Variants in OSBPL3 observed in about 807,000 individuals in gnomAD.
OSBPL3 encodes the protein oxysterol-binding protein-related protein 3.
Under a neutral mutation model 120.1 loss-of-function variants are expected in OSBPL3, and 65 were observed. The observed-to-expected ratio is 0.54, with a 90% confidence interval of 0.44 to 0.67. The LOEUF (loss-of-function observed/expected upper bound fraction) is 0.67. Ranked by LOEUF, OSBPL3 falls within the 30% of genes least tolerant of loss-of-function variation. The pLI is 0.00. For synonymous variants in OSBPL3, 416 were observed against 402.6 expected (o/e 1.03, Z -0.40); for missense variants, 1,004 against 1,082.1 (o/e 0.93, Z 1.01).
intron 1 of OSBPL3, among the ~76,000 whole-genome samples, chr7:24,915,380 A>G (rs1809396181): frequency 6.6e-6 from 1 of 152,220 alleles, no homozygotes; most frequent in Non-Finnish European, 1.5e-5. Flanking sequence ...GGGCATTTTC[A>G]TAAATTGCTA....
In OSBPL3 at chr7:24,804,188, C is replaced by A. The variant is rs774108640; in HGVS notation, c.2567+127G>T. 4 of 1,110,430 alleles carry A rather than the reference C, an allele frequency of 3.6e-6. No individual in the cohort carries two copies. The highest frequency in any genetic ancestry group is 1.6e-5 in the African/African-American group (1 of 64,486). The allele number at this position is 1,110,430 out of a possible 1,614,324, so 68.8% of individuals were successfully genotyped here. On this transcript the variant is annotated intron_variant, in intron 22 of 22. Transcript: ENST00000313367. The surrounding 1 kb of genome is among the most constrained non-coding windows in gnomAD (Gnocchi z 5.4). ...CTGGCACAGAGGAGCAGTACCCCCA[C>A]GTGGAAGCAGGAAAAGCCTGGAGAA...
At chr7:24,909,635 C>A (rs1441665853) in intron 1 of OSBPL3, among the ~76,000 whole-genome samples, 1 of 152,096 alleles carries the variant, frequency 6.6e-6, no homozygotes, top group Admixed American at 6.5e-5. Context: ...AAATTAGGAA[C>A]CTTAGGTCAC....
At position 24,818,181 on chromosome 7, in the gene OSBPL3, T is replaced by C. The variant is rs1435224041; in HGVS notation, c.1949-1493A>G. Among the ~76,000 whole-genome samples the C allele has an allele frequency of 1.3e-5, 2 of 152,212 alleles. No individual in the cohort carries two copies. The highest frequency in any genetic ancestry group is 1.5e-5 in the Non-Finnish European group (1 of 68,042). ...GGCAGAGGGGGTGGATAATATTTGC[T>C]AAAGAGGATTCTTTTTGGAGTGATG... is the stretch of plus-strand genomic sequence containing the variant. On this transcript the variant is annotated intron_variant, in intron 17 of 22. Transcript: ENST00000313367. This position sits in a 1 kb window ranked among gnomAD's most constrained non-coding sequence, Gnocchi z 4.0.
chr7:24,930,487 A>G lies in OSBPL3; in HGVS notation c.-149-37866T>C, dbSNP rs1202194093. Among the ~76,000 whole-genome samples, 1 of 152,236 alleles carries G rather than the reference A, an allele frequency of 6.6e-6. No homozygotes were observed. The highest frequency in any genetic ancestry group is 1.9e-4 in the East Asian group (1 of 5,204). On this transcript the variant is annotated intron_variant, in intron 1 of 22. Coordinates refer to ENST00000313367, the MANE Select transcript of OSBPL3 (RefSeq NM_015550.4). The surrounding 1 kb of genome is among the most constrained non-coding windows in gnomAD (Gnocchi z 4.4). ...CTTTTTATTGCTGACAGCAAAAAAG[A>G]CACAGGTTTCAGTGGGAGGTCTATT...
At chr7:24,911,015 T>C (rs1168679425) in intron 1 of OSBPL3, among the ~76,000 whole-genome samples, 1 of 152,206 alleles carries the variant, frequency 6.6e-6, no homozygotes, top group Non-Finnish European at 1.5e-5. Context: ...CCCAGGTGAT[T>C]TGGATACACA....
At chr7:24,861,575 T>C in intron 10 of OSBPL3, 38 bp downstream of exon 10, 1 of 1,445,068 alleles carries the variant, frequency 6.9e-7, no homozygotes, top group South Asian at 1.3e-5. Context: ...ACTTAACATT[T>C]TCATCAAACA....
chr7:24,921,633 G>C (rs1345058235), intron 1 of OSBPL3, among the ~76,000 whole-genome samples: 2 of 152,102 alleles, frequency 1.3e-5, no homozygotes, highest in African/African-American at 2.4e-5. Flanking sequence ...GTACCTCTCA[G>C]TTACCCTAAA....
rs1416274883 is a variant in OSBPL3 at position 24,863,908 on chromosome 7, AAG to A, written c.674-311_674-310del. Among the ~76,000 whole-genome samples the A allele has an allele frequency of 6.6e-6, 1 of 152,190 alleles. No homozygotes were observed. Among genetic ancestry groups the A allele is most frequent in the Non-Finnish European group, 1.5e-5 (1 of 68,026 alleles). ...TGGGGATAATTATACATCACATGAC[AAG>A]AGAGTTGTGAGAATTAAATGAGTTG... On this transcript the variant is annotated intron_variant, in intron 7 of 22. Transcript: ENST00000313367. This position sits in a 1 kb window ranked among gnomAD's most constrained non-coding sequence, Gnocchi z 5.8.
chr7:24,800,100 T>C lies in OSBPL3; in HGVS notation c.*83A>G. ...CAAGTGATCATCCTAGAGTATCTTT[T>C]AAATATATAAACACAGGTTTGTGCC... On this transcript the variant is annotated 3_prime_UTR_variant, in exon 23 of 23. Coordinates refer to ENST00000313367, the MANE Select transcript of OSBPL3 (RefSeq NM_015550.4). 1 of 743,604 alleles carries C rather than the reference T, an allele frequency of 1.3e-6. No homozygotes were observed. Among genetic ancestry groups the C allele is most frequent in the South Asian group, 1.5e-5 (1 of 65,038 alleles). The allele number at this position is 743,604 out of a possible 1,614,324, so 46.1% of individuals were successfully genotyped here. A position where few individuals can be genotyped will look rare whatever the true frequency, so the allele number is the denominator to read the frequency against.
In OSBPL3 at chr7:24,830,382, T is replaced by C. The variant is rs910054891; in HGVS notation, c.1884+386A>G. ...CAAAATTGAGAATAACGCATTTATC[T>C]GGCGCTACCCACTCTGCTGGGGGCA... On this transcript the variant is annotated intron_variant, in intron 16 of 22. Transcript: ENST00000313367. This position sits in a 1 kb window ranked among gnomAD's most constrained non-coding sequence, Gnocchi z 4.4. 8.5e-5 allele frequency among the ~76,000 whole-genome samples: 13 copies of C among 152,252 alleles called. No homozygotes were observed. Among genetic ancestry groups the C allele is most frequent in the Non-Finnish European group, 1.6e-4 (11 of 68,050 alleles).
At chr7:24,920,523 T>G (rs1473496723) in intron 1 of OSBPL3, among the ~76,000 whole-genome samples, 1 of 152,212 alleles carries the variant, frequency 6.6e-6, no homozygotes, top group Non-Finnish European at 1.5e-5. Flanking sequence ...AGTTTCTTTT[T>G]GAGTGATAGA....
At chr7:24,865,512 A>G in intron 6 of OSBPL3, 47 bp from the exon 7 acceptor site, 4 of 1,594,464 alleles carry the variant, frequency 2.5e-6, no homozygotes, top group Non-Finnish European at 3.4e-6. Context: ...AACAGAGCCC[A>G]TTGGGGACAT....
intron 1 of OSBPL3, among the ~76,000 whole-genome samples, chr7:24,945,555 T>C (rs907884089): frequency 6.6e-5 from 10 of 152,358 alleles, no homozygotes; most frequent in Middle Eastern, 3.4e-3. Context: ...AGTATCTGAA[T>C]TTGAACACAA....
chr7:24,931,462 G>C (rs1811781421), intron 1 of OSBPL3, among the ~76,000 whole-genome samples: 2 of 152,132 alleles, frequency 1.3e-5, no homozygotes, highest in South Asian at 4.1e-4. Flanking sequence ...GGCGTCAGGA[G>C]ATGTAGAAGG....
chr7:24,974,161 C>T (rs943105808), intron 1 of OSBPL3, among the ~76,000 whole-genome samples: 3 of 152,170 alleles, frequency 2.0e-5, no homozygotes, highest in African/African-American at 4.8e-5. Context: ...TAGCCACATG[C>T]GACCAACGGC....
At chr7:24,901,481 T>C (rs1807029288) in intron 1 of OSBPL3, among the ~76,000 whole-genome samples, 1 of 152,234 alleles carries the variant, frequency 6.6e-6, no homozygotes, top group Non-Finnish European at 1.5e-5. Flanking sequence ...TCAACACATA[T>C]GTACCTGTCT....
chr7:24,803,587 A>G lies in OSBPL3; in HGVS notation c.2567+728T>C, dbSNP rs979003713. Among the ~76,000 whole-genome samples, 1 of 152,150 alleles carries G rather than the reference A, an allele frequency of 6.6e-6. No individual in the cohort carries two copies. The highest frequency in any genetic ancestry group is 2.4e-5 in the African/African-American group (1 of 41,426). ...GGAGATTGAGACCATCCTGGCCAAC[A>G]AGGTGAAACCCCGTCTCTACTAAAA... On this transcript the variant is annotated intron_variant, in intron 22 of 22. Coordinates refer to ENST00000313367, the MANE Select transcript of OSBPL3 (RefSeq NM_015550.4). This position sits in a 1 kb window ranked among gnomAD's most constrained non-coding sequence, Gnocchi z 4.2.
intron 1 of OSBPL3, among the ~76,000 whole-genome samples, chr7:24,950,717 G>A (rs773238117): frequency 5.5e-4 from 83 of 152,118 alleles, no homozygotes; most frequent in Non-Finnish European, 8.1e-4. Flanking sequence ...GTGAGACTCC[G>A]TCTCAAAAAA....
At position 24,881,826 on chromosome 7, in the gene OSBPL3, T is replaced by G. The variant is rs1803727696; in HGVS notation, c.97-9757A>C. 6.6e-6 allele frequency among the ~76,000 whole-genome samples: 1 copy of G among 152,216 alleles called. No homozygotes were observed. Among genetic ancestry groups the G allele is most frequent in the African/African-American group, 2.4e-5 (1 of 41,452 alleles). On this transcript the variant is annotated intron_variant, in intron 2 of 22. Transcript: ENST00000313367. This position sits in a 1 kb window ranked among gnomAD's most constrained non-coding sequence, Gnocchi z 4.3. ...GGAGGATCTCAGGGGGATTCATTCCTTGCTTCTCCCTCTGGTGGCTGCCAG... is the reference window on the plus strand; with the variant it reads ...GGAGGATCTCAGGGGGATTCATTCCGTGCTTCTCCCTCTGGTGGCTGCCAG...
Sources: allele counts gnomAD v4.1 joint callset (sites outside exome capture counted in the v4.1 genomes callset), GRCh38; gene constraint gnomAD v4.1.1; non-coding constraint Gnocchi (gnomAD v3.1); transcripts MANE v1.5; gene names NCBI Gene and HGNC (gene_info 2026-07-23, HGNC 2026-07-21).